DIP2A: variants seen among roughly 807,000 people sequenced by gnomAD.
DIP2A encodes the protein disco-interacting protein 2 homolog A.
A neutral mutation model predicts 177.4 loss-of-function variants in DIP2A; 85 were observed. The ratio of observed to expected loss-of-function variants is 0.48; its 90% confidence interval spans 0.40 to 0.57. The LOEUF (loss-of-function observed/expected upper bound fraction) is 0.57. Among genes scored for constraint, DIP2A ranks in the 20% least tolerant of loss-of-function variants. The pLI, the probability that DIP2A is intolerant of heterozygous loss-of-function variation, is 0.00. For missense variants in DIP2A, 1,791 were observed against 2,100.2 expected (o/e 0.85, Z 2.88); for synonymous variants, 886 against 881.8 (o/e 1.00, Z -0.08).
chr21:46,581,071 C>G, the DIP2A span, among the ~76,000 whole-genome samples: 4 of 152,204 alleles, frequency 2.6e-5, no homozygotes, highest in East Asian at 7.7e-4. Flanking sequence ...CCATCTCTTC[C>G]AGGTACCCCA....
At chr21:46,528,581 T>C (rs1435419594) in intron 8 of DIP2A, among the ~76,000 whole-genome samples, 1 of 140,610 alleles carries the variant, frequency 7.1e-6, no homozygotes, top group African/African-American at 2.7e-5. Flanking sequence ...ATAATGTCTT[T>C]ATTGCCCAGG....
At chr21:46,535,071 A>G (rs1268612112) in intron 13 of DIP2A, among the ~76,000 whole-genome samples, 1 of 152,172 alleles carries the variant, frequency 6.6e-6, no homozygotes, top group African/African-American at 2.4e-5. Flanking sequence ...GGGTCAGGGC[A>G]TTTTTCATTC....
At chr21:46,533,446 A>G in intron 10 of DIP2A, 78 bp from the exon 11 acceptor site, 2 of 1,530,906 alleles carry the variant, frequency 1.3e-6, no homozygotes, top group East Asian at 2.4e-5. Context: ...TTCTCTGTGC[A>G]TGGCCTGGAG....
intron 16 of DIP2A, 82 bp from the exon 17 acceptor site, chr21:46,539,795 G>A (rs768096198): frequency 4.0e-5 from 47 of 1,173,984 alleles, no homozygotes; most frequent in African/African-American, 3.6e-4. Flanking sequence ...CGCAGGCTGC[G>A]CTAACTTGAG....
intron 1 of DIP2A, chr21:46,462,620 T>C (rs1334972989): frequency 6.6e-6 from 1 of 152,198 alleles, no homozygotes; most frequent in Non-Finnish European, 1.5e-5. Flanking sequence ...AATTTTTATA[T>C]ATTGTCAAAA....
rs1369942469 is a variant in DIP2A at position 46,546,099 on chromosome 21, C to T, written c.2394+138C>T. On this transcript the variant is annotated intron_variant, in intron 20 of 37. Coordinates refer to ENST00000417564, the MANE Select transcript of DIP2A (RefSeq NM_015151.4). Reference sequence around the variant, plus strand: ...GGCCTTGGTCGGTGGCGCTGACCTCCCTGCCCATCACCCTACCTGTGTGCA... The same window carrying T: ...GGCCTTGGTCGGTGGCGCTGACCTCTCTGCCCATCACCCTACCTGTGTGCA... 6.6e-6 allele frequency: 10 copies of T among 1,506,774 alleles called. No individual in the cohort carries two copies. The South Asian group carries it at 1.2e-4, about 17-fold the overall frequency. The allele number at this position is 1,506,774 out of a possible 1,614,324, so 93.3% of individuals were successfully genotyped here. A position where few individuals can be genotyped will look rare whatever the true frequency, so the allele number is the denominator to read the frequency against.
At chr21:46,523,946 T>C (rs1208844777) in intron 8 of DIP2A, among the ~76,000 whole-genome samples, 5 of 152,208 alleles carry the variant, frequency 3.3e-5, no homozygotes, top group Admixed American at 1.3e-4. Context: ...TATGGCAGTA[T>C]GGGGAAGGTG....
At position 46,484,838 on chromosome 21, in the gene DIP2A, A is replaced by G. The variant is rs761812959; in HGVS notation, c.163+10A>G. ...ATACCGCTTATTCAAGGTAAGGTCAATACACTCAGGTGTTACATAGCAATT... is the reference window on the plus strand; with the variant it reads ...ATACCGCTTATTCAAGGTAAGGTCAGTACACTCAGGTGTTACATAGCAATT... On this transcript the variant is annotated intron_variant, in intron 2 of 37. Coordinates refer to ENST00000417564, the MANE Select transcript of DIP2A (RefSeq NM_015151.4). 4.5e-6 allele frequency: 7 copies of G among 1,567,696 alleles called. No homozygotes were observed. Among genetic ancestry groups the G allele is most frequent in the Middle Eastern group, 1.7e-4 (1 of 5,986 alleles).
At chr21:46,553,803 C>T (rs34659412) in intron 25 of DIP2A, 397 of 170,964 alleles carry the variant, frequency 2.3e-3, no homozygotes, top group Non-Finnish European at 3.8e-3. Flanking sequence ...TTAGCTGGGA[C>T]CACACAGGAG....
rs1285105320 is a variant in DIP2A at position 46,557,768 on chromosome 21, C to T, written c.3798+15C>T. On this transcript the variant is annotated intron_variant, in intron 31 of 37. Transcript: ENST00000417564. The surrounding 1 kb of genome is among the most constrained non-coding windows in gnomAD (Gnocchi z 6.0). ...GTGTCCTCAGGGTGAGTGCCCAGAC[C>T]CGGGCTTCTGAGTGTGCTGCAGACC... 21 of 1,597,016 alleles carry T rather than the reference C, an allele frequency of 1.3e-5. No homozygotes were observed. Among genetic ancestry groups the T allele is most frequent in the Non-Finnish European group, 1.8e-5 (21 of 1,166,174 alleles).
At chr21:46,500,173 A>T (rs1004365731) in intron 5 of DIP2A, among the ~76,000 whole-genome samples, 7 of 152,168 alleles carry the variant, frequency 4.6e-5, no homozygotes, top group Non-Finnish European at 2.9e-5. Context: ...TCCATTGAAC[A>T]TGTGTCCTTC....
Position 46,563,714 on chromosome 21 carries a change from G to A in DIP2A, c.4090-144G>A, listed in dbSNP as rs548083722. ...CTTTCAAAATTCAAAGTCAAATTTG[G>A]AGCGGCCTCTAAACTTCCTGACCTG... On this transcript the variant is annotated intron_variant, in intron 34 of 37. Coordinates refer to ENST00000417564, the MANE Select transcript of DIP2A (RefSeq NM_015151.4). This position sits in a 1 kb window ranked among gnomAD's most constrained non-coding sequence, Gnocchi z 4.3. The A allele has an allele frequency of 5.9e-6, 8 of 1,365,774 alleles. No individual in the cohort carries two copies. The East Asian group carries it at 1.8e-4, about 31-fold the overall frequency. The allele number at this position is 1,365,774 out of a possible 1,614,324, so 84.6% of individuals were successfully genotyped here.
chr21:46,566,328 A>G (rs1316040736), intron 36 of DIP2A, among the ~76,000 whole-genome samples: 3 of 152,186 alleles, frequency 2.0e-5, no homozygotes, highest in Non-Finnish European at 4.4e-5. Flanking sequence ...GTTATTTTTA[A>G]TAATACGCTC....
intron 6 of DIP2A, among the ~76,000 whole-genome samples, chr21:46,506,143 A>G (rs1261547105): frequency 6.6e-6 from 1 of 151,992 alleles, no homozygotes; most frequent in African/African-American, 2.4e-5. Context: ...TTGGAGACTG[A>G]GTCTCACTCT....
intron 6 of DIP2A, among the ~76,000 whole-genome samples, chr21:46,508,750 C>T (rs986204360): frequency 2.0e-5 from 3 of 151,706 alleles, no homozygotes; most frequent in East Asian, 2.0e-4. Context: ...AGGCCGGGCG[C>T]GGTGGCACAC....
At position 46,504,352 on chromosome 21, in the gene DIP2A, C is replaced by G. The variant is rs1601557107; in HGVS notation, c.656-9C>G. 6.2e-7 allele frequency: 1 copy of G among 1,613,508 alleles called. No homozygotes were observed. The highest frequency in any genetic ancestry group is 8.5e-7 in the Non-Finnish European group (1 of 1,179,666). Reference sequence around the variant, plus strand: ...CCACTTTCATTTTGGGTGTGTTTTTCAAAAGCAGATCTGCATTCTGCCCCT... The same window carrying G: ...CCACTTTCATTTTGGGTGTGTTTTTGAAAAGCAGATCTGCATTCTGCCCCT... On this transcript the variant is annotated splice_polypyrimidine_tract_variant and intron_variant, in intron 5 of 37. Coordinates refer to ENST00000417564, the MANE Select transcript of DIP2A (RefSeq NM_015151.4).
chr21:46,471,919 G>T (rs1601363420), intron 1 of DIP2A, among the ~76,000 whole-genome samples: 2 of 152,196 alleles, frequency 1.3e-5, no homozygotes, highest in East Asian at 3.9e-4. Context: ...TACCATTTTG[G>T]AAATAGCAGA....
intron 5 of DIP2A, among the ~76,000 whole-genome samples, chr21:46,503,437 A>C (rs1262148531): frequency 6.6e-6 from 1 of 151,954 alleles, no homozygotes; most frequent in Non-Finnish European, 1.5e-5. Flanking sequence ...AGGACTGCAA[A>C]GGTTTGGTGT....
chr21:46,555,754 C>A, intron 28 of DIP2A: 1 of 552,058 alleles, frequency 1.8e-6, no homozygotes, highest in Non-Finnish European at 3.3e-6. Context: ...TCCCCCATCC[C>A]CACAGGCTCA....
Sources: allele counts gnomAD v4.1 joint callset (sites outside exome capture counted in the v4.1 genomes callset), GRCh38; gene constraint gnomAD v4.1.1; non-coding constraint Gnocchi (gnomAD v3.1); transcripts MANE v1.5; gene names NCBI Gene and HGNC (gene_info 2026-07-23, HGNC 2026-07-21).